The following SYN3 variants were observed in gnomAD, a reference collection of about 807,000 sequenced individuals.
SYN3 encodes the protein synapsin-3.
SYN3 carries 35 observed loss-of-function variants against 65.8 expected under a neutral mutation model. The observed-to-expected ratio is 0.53, with a 90% confidence interval of 0.41 to 0.70. The LOEUF (loss-of-function observed/expected upper bound fraction) is 0.70, where lower values mean the gene tolerates loss of function less well. Among genes scored for constraint, SYN3 ranks in the 30% least tolerant of loss-of-function variants. The pLI is 0.00. For synonymous variants in SYN3, 270 were observed against 292.9 expected (o/e 0.92, Z 0.80); for missense variants, 680 against 749.0 (o/e 0.91, Z 1.08).
chr22:32,979,233 A>C (rs1408388006), intron 3 of SYN3, among the ~76,000 whole-genome samples: 1 of 151,778 alleles, frequency 6.6e-6, no homozygotes, highest in Non-Finnish European at 1.5e-5. Context: ...GAAAAGACTT[A>C]GCTCACCTCT....
chr22:32,773,049 G>C (rs892178398), intron 6 of SYN3, among the ~76,000 whole-genome samples: 6 of 152,188 alleles, frequency 3.9e-5, no homozygotes, highest in African/African-American at 1.4e-4. Context: ...AGCAGCCATA[G>C]ACAAGGAACA....
chr22:32,909,638 T>G (rs1336394386), intron 4 of SYN3, among the ~76,000 whole-genome samples: 2 of 30,028 alleles, frequency 6.7e-5, no homozygotes, highest in Non-Finnish European at 1.4e-4. Flanking sequence ...ACCCCTTACC[T>G]CACCCCCAGC....
chr22:32,651,215 T>C (rs2060065707), intron 6 of SYN3, among the ~76,000 whole-genome samples: 1 of 152,158 alleles, frequency 6.6e-6, no homozygotes, highest in South Asian at 2.1e-4. Context: ...CTGCTCTTGG[T>C]AGGAGACATT....
At chr22:32,748,027 T>C (rs2044991122) in intron 6 of SYN3, among the ~76,000 whole-genome samples, 1 of 152,164 alleles carries the variant, frequency 6.6e-6, no homozygotes, top group East Asian at 1.9e-4. Context: ...TGTCCTGGCA[T>C]TGTGGAGCAG....
chr22:32,791,821 A>G (rs187097831), intron 6 of SYN3, among the ~76,000 whole-genome samples: 1 of 152,270 alleles, frequency 6.6e-6, no homozygotes, highest in Non-Finnish European at 1.5e-5. Flanking sequence ...CAAACTGCCT[A>G]GAAGAATACC....
chr22:32,759,365 C>A (rs2045386883), intron 6 of SYN3, among the ~76,000 whole-genome samples: 1 of 152,046 alleles, frequency 6.6e-6, no homozygotes, highest in Non-Finnish European at 1.5e-5. Context: ...ATGAGAAAGC[C>A]CAGGATATGT....
intron 6 of SYN3, among the ~76,000 whole-genome samples, chr22:32,834,918 A>G (rs242075): frequency 0.49 from 74,365 of 152,034 alleles, 18,546 homozygotes; most frequent in Admixed American, 0.6. Flanking sequence ...GGAACTGGAC[A>G]TTCCCTTCAG....
intron 6 of SYN3, among the ~76,000 whole-genome samples, chr22:32,830,464 C>T (rs1042942438): frequency 6.6e-6 from 1 of 152,170 alleles, no homozygotes; most frequent in African/African-American, 2.4e-5. Context: ...TGCCCAAGTG[C>T]TCATGTCTTT....
intron 6 of SYN3, among the ~76,000 whole-genome samples, chr22:32,645,642 A>C (rs564612488): frequency 2.0e-5 from 3 of 152,130 alleles, no homozygotes; most frequent in African/African-American, 7.2e-5. Flanking sequence ...TTCTCTTGAG[A>C]CCCTTCTCCA....
chr22:32,690,240 G>T (rs1203512338), intron 6 of SYN3, among the ~76,000 whole-genome samples: 6 of 152,160 alleles, frequency 3.9e-5, no homozygotes, highest in African/African-American at 1.4e-4. Context: ...CAGCTAGAAG[G>T]TGCCATCTAT....
chr22:32,762,762 T>C (rs1378240400), intron 6 of SYN3, among the ~76,000 whole-genome samples: 4 of 152,226 alleles, frequency 2.6e-5, no homozygotes, highest in Non-Finnish European at 4.4e-5. Flanking sequence ...TTCCCACTTA[T>C]TGATAGGATG....
chr22:32,825,666 A>G (rs1026813866), intron 6 of SYN3, among the ~76,000 whole-genome samples: 2 of 98,158 alleles, frequency 2.0e-5, no homozygotes, highest in Admixed American at 9.0e-5. Context: ...TCAAAAAAAA[A>G]AAAAAAAAAA....
chr22:32,595,971 G>T (rs959380398), intron 7 of SYN3, among the ~76,000 whole-genome samples: 4 of 152,164 alleles, frequency 2.6e-5, no homozygotes, highest in African/African-American at 9.7e-5. Context: ...CACCTACTTG[G>T]GAGGCTGAGG....
chr22:32,846,474 CAG>C (rs2048064815), intron 6 of SYN3, among the ~76,000 whole-genome samples: 1 of 152,196 alleles, frequency 6.6e-6, no homozygotes, highest in Admixed American at 6.5e-5. Context: ...ATGCTAATAA[CAG>C]TGGTAGCAAA....
At chr22:33,010,185 T>C (rs2053315576) in intron 1 of SYN3, among the ~76,000 whole-genome samples, 1 of 151,318 alleles carries the variant, frequency 6.6e-6, no homozygotes, top group Non-Finnish European at 1.5e-5. Flanking sequence ...TGAGCCAGGA[T>C]CGCATCATTG....
intron 6 of SYN3, among the ~76,000 whole-genome samples, chr22:32,664,126 A>G (rs2060256569): frequency 6.6e-6 from 1 of 152,352 alleles, no homozygotes; most frequent in East Asian, 1.9e-4. Flanking sequence ...TTAAGGTCAC[A>G]CAGGGAGCAA....
intron 12 of SYN3, among the ~76,000 whole-genome samples, chr22:32,522,125 A>G (rs1360512339): frequency 6.6e-6 from 1 of 152,230 alleles, no homozygotes; most frequent in Non-Finnish European, 1.5e-5. Context: ...GAAGCTTATT[A>G]AAAGAAAATT....
At chr22:32,630,807 C>G (rs758457757) in intron 6 of SYN3, among the ~76,000 whole-genome samples, 5 of 152,178 alleles carry the variant, frequency 3.3e-5, no homozygotes, top group African/African-American at 4.8e-5. Flanking sequence ...TCCTTTTGTC[C>G]TGGCCCCTTC....
rs73881794 is a variant in SYN3, at chr22:32,759,057, C to G, written c.711+105858G>C. On this transcript the variant is annotated intron_variant, in intron 6 of 13. Transcript: ENST00000358763. ...TTAAGATTTACTCATAAGATTATAT[C>G]CCAACCTCTCAATATCTCTCTAAGT... Among the ~76,000 whole-genome samples the G allele has an allele frequency of 6.9e-3, 1,054 of 152,200 alleles. 15 individuals carry two copies. Among genetic ancestry groups the G allele is most frequent in the African/African-American group, 0.025 (1,024 of 41,542 alleles).
Sources: gnomAD v4.1 joint callset for allele counts (sites outside exome capture counted in the v4.1 genomes callset) on GRCh38, gnomAD v4.1.1 for gene constraint, MANE v1.5 for transcripts, NCBI Gene and HGNC (gene_info 2026-07-23, HGNC 2026-07-21) for gene names.